The following STKLD1 variants were observed in gnomAD, a reference collection of about 807,000 sequenced individuals.
STKLD1 encodes the protein serine/threonine kinase like domain containing 1, also known as serine/threonine kinase-like domain-containing protein STKLD1.
STKLD1 carries 79 observed loss-of-function variants against 80.4 expected under a neutral mutation model. The ratio of observed to expected loss-of-function variants is 0.98; its 90% confidence interval spans 0.82 to 1.19. The LOEUF is 1.19. STKLD1 is among the 50% of genes most tolerant of loss of function. The pLI is 0.00. For synonymous variants in STKLD1, 393 were observed against 357.6 expected (o/e 1.10, Z -1.12); for missense variants, 841 against 856.0 (o/e 0.98, Z 0.22).
At chr9:133,400,158 G>C (rs1384851008) in intron 11 of STKLD1, among the ~76,000 whole-genome samples, 8 of 152,182 alleles carry the variant, frequency 5.3e-5, no homozygotes, top group Admixed American at 2.0e-4. Flanking sequence ...GCTGACCCCA[G>C]GTTCCTCATC....
Position 133,394,339 on chromosome 9 carries a change from T to A in STKLD1, c.632T>A (p.Phe211Tyr), listed in dbSNP as rs201089468. The A allele has an allele frequency of 2.0e-5, 33 of 1,613,920 alleles. No individual in the cohort carries two copies. The highest frequency in any genetic ancestry group is 2.8e-5 in the Non-Finnish European group (33 of 1,179,934). ...GCCCCTGAAGCCCTCAACTTCTCCT[T>A]CAGCCAGAAATCAGACATCTGGTCC... is the stretch of plus-strand genomic sequence containing the variant. ...WMAPEALNFSFSQKSDIWSLG... is the reference protein window; with the variant it reads ...WMAPEALNFSYSQKSDIWSLG... The change falls in exon 8 of 18, where the codon TTC becomes TAC. Residue 211 changes from phenylalanine (F) to tyrosine (Y), a missense_variant. Phe to Tyr is a conservative substitution (Grantham distance 22, BLOSUM62 3). Transcript: ENST00000371957. The surrounding 1 kb of genome is among the most constrained non-coding windows in gnomAD (Gnocchi z 4.9).
In STKLD1 at chr9:133,405,112, G is replaced by A. The variant is rs587712348; in HGVS notation, c.1874-140G>A. 1.8e-5 allele frequency: 23 copies of A among 1,309,276 alleles called. No individual in the cohort carries two copies. The Admixed American group carries it at 2.5e-4, about 14-fold the overall frequency. The allele number at this position is 1,309,276 out of a possible 1,614,324, so 81.1% of individuals were successfully genotyped here. On this transcript the variant is annotated intron_variant, in intron 17 of 17. Coordinates refer to ENST00000371957, the MANE Select transcript of STKLD1 (RefSeq NM_153710.5). Reference sequence around the variant, plus strand: ...AGGGGTTGTCCTGGCTGAGGGTGACGCTTGGGGCTCCGGAACTGCAAGGTG... The same window carrying A: ...AGGGGTTGTCCTGGCTGAGGGTGACACTTGGGGCTCCGGAACTGCAAGGTG...
intron 8 of STKLD1, 130 bp from the exon 9 acceptor site, chr9:133,395,470 G>T (rs587647519): frequency 5.2e-6 from 5 of 961,786 alleles, no homozygotes; most frequent in Non-Finnish European, 7.5e-6. Context: ...CATTCTTGTA[G>T]ACGGTGGCCA....
rs1392601889 is a variant in STKLD1, at chr9:133,390,588, T to TCAG, written c.468-90_468-88dup. ...TGGGGCAGGGAGCAGAGAGTCAGGCTCAGCACACACACTGGTCCCACCTGG... is the reference window on the plus strand; with the variant it reads ...TGGGGCAGGGAGCAGAGAGTCAGGCTCAGCAGCACACACACTGGTCCCACCTGG... On this transcript the variant is annotated intron_variant, in intron 6 of 17. Coordinates refer to ENST00000371957, the MANE Select transcript of STKLD1 (RefSeq NM_153710.5). The surrounding 1 kb of genome is among the most constrained non-coding windows in gnomAD (Gnocchi z 5.1). The TCAG allele has an allele frequency of 3.4e-6, 3 of 879,648 alleles. No individual in the cohort carries two copies. Among genetic ancestry groups the TCAG allele is most frequent in the Non-Finnish European group, 5.7e-6 (3 of 529,276 alleles). 54.5% of individuals were successfully genotyped at this position (879,648 alleles called of 1,614,324 possible). A position where few individuals can be genotyped will look rare whatever the true frequency, so the allele number is the denominator to read the frequency against.
chr9:133,403,607 T>TA, intron 14 of STKLD1, 93 bp from the exon 15 acceptor site: 1 of 1,493,106 alleles, frequency 6.7e-7, no homozygotes, highest in Non-Finnish European at 9.1e-7. Context: ...CTGTTGTCGT[T>TA]AGCTGGAGGA....
rs782418469 is a variant in STKLD1, at chr9:133,394,330, A to G, written c.623A>G (p.Asn208Ser). The change falls in exon 8 of 18, where the codon AAC (asparagine) becomes AGC (serine). Residue 208 changes from asparagine (N) to serine (S), a missense_variant. By Grantham distance (46) the Asn-to-Ser change is conservative. Coordinates refer to ENST00000371957, the MANE Select transcript of STKLD1 (RefSeq NM_153710.5). The surrounding 1 kb of genome is among the most constrained non-coding windows in gnomAD (Gnocchi z 4.9). ...RKSWMAPEAL[N>S]FSFSQKSDIW... is the part of the protein sequence containing the mutation. ...TCCTGGATGGCCCCTGAAGCCCTCA[A>G]CTTCTCCTTCAGCCAGAAATCAGAC... 1 of 1,613,830 alleles carries G rather than the reference A, an allele frequency of 6.2e-7. No individual in the cohort carries two copies. The highest frequency in any genetic ancestry group is 1.7e-5 in the Admixed American group (1 of 60,002).
At position 133,401,732 on chromosome 9, in the gene STKLD1, G is replaced by C. The variant is rs1838711421; in HGVS notation, c.1199-6G>C. Reference sequence around the variant, plus strand: ...AACCCCAGGCGTCTTCCTCTGGCTTGAGCAGCGCTGGTGCACCACCCGGAA... The same window carrying C: ...AACCCCAGGCGTCTTCCTCTGGCTTCAGCAGCGCTGGTGCACCACCCGGAA... On this transcript the variant is annotated splice_region_variant and splice_polypyrimidine_tract_variant and intron_variant, in intron 12 of 17. Transcript: ENST00000371957. The C allele has an allele frequency of 6.2e-7, 1 of 1,610,552 alleles. No homozygotes were observed. The highest frequency in any genetic ancestry group is 8.5e-7 in the Non-Finnish European group (1 of 1,179,332).
Position 133,389,863 on chromosome 9 carries a change from G to A in STKLD1, c.467+267G>A, listed in dbSNP as rs1838345282. Among the ~76,000 whole-genome samples, 1 of 152,244 alleles carries A rather than the reference G, an allele frequency of 6.6e-6. No homozygotes were observed. The highest frequency in any genetic ancestry group is 1.5e-5 in the Non-Finnish European group (1 of 68,048). On this transcript the variant is annotated intron_variant, in intron 6 of 17. Transcript: ENST00000371957. This position sits in a 1 kb window ranked among gnomAD's most constrained non-coding sequence, Gnocchi z 6.4. ...CTCTAGAGTTCGTGGAAAGGAAGGA[G>A]GCAAAAGCCCTGCCAAGAAGAGAGA...
chr9:133,377,764 G>A (rs1838029200), intron 1 of STKLD1, among the ~76,000 whole-genome samples: 1 of 152,130 alleles, frequency 6.6e-6, no homozygotes, highest in Non-Finnish European at 1.5e-5. Flanking sequence ...GGATGGTTTT[G>A]GGATGATTCA....
rs1564375967 is a variant in STKLD1, at chr9:133,383,470, A to ATGGTAG, written c.175-382_175-381insAGTGGT. On this transcript the variant is annotated intron_variant, in intron 2 of 17. Transcript: ENST00000371957. ...TGGTGGTGATGGAGTGATGGTGGTA[A>ATGGTAG]TGGTGGTGGTGTGATGGTGATGATG... Among the ~76,000 whole-genome samples, 26 of 64,428 alleles carry ATGGTAG rather than the reference A, an allele frequency of 4.0e-4. 1 individual carries two copies. Among genetic ancestry groups the ATGGTAG allele is most frequent in the East Asian group, 9.8e-4 (2 of 2,034 alleles). The allele number at this position is 64,428 out of a possible 152,430, so 42.3% of individuals were successfully genotyped here. A position where few individuals can be genotyped will look rare whatever the true frequency, so the allele number is the denominator to read the frequency against.
chr9:133,380,454 G>A (rs1245747542), intron 2 of STKLD1, among the ~76,000 whole-genome samples: 2 of 152,108 alleles, frequency 1.3e-5, no homozygotes, highest in Non-Finnish European at 2.9e-5. Context: ...AGAAGTTTGA[G>A]AGCAGCCTGG....
intron 13 of STKLD1, 128 bp downstream of exon 13, chr9:133,402,006 T>A: frequency 8.5e-7 from 1 of 1,171,640 alleles, no homozygotes; most frequent in Non-Finnish European, 1.2e-6. Flanking sequence ...CTGAGATACA[T>A]GGTGGCATTT....
chr9:133,385,814 C>G lies in STKLD1; in HGVS notation c.294+123C>G. 1 of 890,808 alleles carries G rather than the reference C, an allele frequency of 1.1e-6. No homozygotes were observed. Among genetic ancestry groups the G allele is most frequent in the Non-Finnish European group, 1.8e-6 (1 of 569,942 alleles). The allele number at this position is 890,808 out of a possible 1,614,324, so 55.2% of individuals were successfully genotyped here. ...ATAGCTCGTGTGGCAATGGCAGTGA[C>G]TGTAAACGTGGCCACCCCTGACCTA... On this transcript the variant is annotated intron_variant, in intron 4 of 17. Coordinates refer to ENST00000371957, the MANE Select transcript of STKLD1 (RefSeq NM_153710.5). The surrounding 1 kb of genome is among the most constrained non-coding windows in gnomAD (Gnocchi z 4.9).
intron 1 of STKLD1, among the ~76,000 whole-genome samples, chr9:133,378,290 A>G (rs980694354): frequency 1.3e-5 from 2 of 151,962 alleles, no homozygotes; most frequent in Non-Finnish European, 2.9e-5. Flanking sequence ...CCATCCTCAT[A>G]TCTCCTCCTC....
intron 9 of STKLD1, 120 bp downstream of exon 9, chr9:133,395,883 C>T (rs1838548638): frequency 5.0e-6 from 5 of 1,005,744 alleles, no homozygotes; most frequent in Non-Finnish European, 7.3e-6. Context: ...CACAGATGCC[C>T]TGATTATCCC....
intron 2 of STKLD1, among the ~76,000 whole-genome samples, chr9:133,381,579 T>C (rs1838135700): frequency 6.6e-6 from 1 of 151,782 alleles, no homozygotes. Context: ...GCCTCCGAAG[T>C]AGCTGGGATT....
Position 133,376,435 on chromosome 9 carries a change from C to T in STKLD1, c.-39C>T. On this transcript the variant is annotated 5_prime_UTR_variant, in exon 1 of 18. Transcript: ENST00000371957. The stretch of plus-strand genomic sequence containing the variant: ...CCCACTGACCCACGCGGGGTGGGGC[C>T]AGGGGTGGACGCTCGCCCGTACGCG... 6.5e-7 allele frequency: 1 copy of T among 1,536,864 alleles called. No individual in the cohort carries two copies. Among genetic ancestry groups the T allele is most frequent in the Non-Finnish European group, 8.8e-7 (1 of 1,142,678 alleles).
At chr9:133,378,185 T>A (rs1013317073) in intron 1 of STKLD1, among the ~76,000 whole-genome samples, 3 of 152,208 alleles carry the variant, frequency 2.0e-5, no homozygotes, top group Non-Finnish European at 2.9e-5. Context: ...GACCCCTGGC[T>A]TAGAATATCC....
chr9:133,378,341 A>G (rs1040458814), intron 1 of STKLD1, among the ~76,000 whole-genome samples: 3 of 151,804 alleles, frequency 2.0e-5, no homozygotes, highest in Non-Finnish European at 4.4e-5. Flanking sequence ...GATGAATGTC[A>G]GCCTCCAGCA....
Sources: gnomAD v4.1 joint callset for allele counts (sites outside exome capture counted in the v4.1 genomes callset) on GRCh38, gnomAD v4.1.1 for gene constraint, Gnocchi (gnomAD v3.1) non-coding constraint, MANE v1.5 for transcripts, NCBI Gene and HGNC (gene_info 2026-07-23, HGNC 2026-07-21) for gene names.